TMEM232: variants seen among roughly 807,000 people sequenced by gnomAD.
TMEM232 encodes the protein transmembrane protein 232.
TMEM232 carries 80 observed loss-of-function variants against 78.8 expected under a neutral mutation model. The ratio of observed to expected loss-of-function variants is 1.01; its 90% CI spans 0.85 to 1.22. The LOEUF (loss-of-function observed/expected upper bound fraction) is 1.22, where lower values mean the gene tolerates loss of function less well. Among genes scored for constraint, TMEM232 ranks in the 50% most tolerant of loss-of-function variants. The probability of loss-of-function intolerance (pLI) is 0.00; values close to 1 mark genes in which losing one functional copy is unlikely to be tolerated. For missense variants in TMEM232, 881 were observed against 742.2 expected, an observed-to-expected ratio of 1.19 and a Z score of -2.17; for synonymous variants, 297 against 254.3, an observed-to-expected ratio of 1.17 and a Z score of -1.60.
intron 2 of TMEM232, among the ~76,000 whole-genome samples, chr5:110,643,132 G>A (rs376848952): frequency 6.6e-6 from 1 of 152,066 alleles, no homozygotes; most frequent in South Asian, 2.1e-4. Flanking sequence ...AATTAGGCAT[G>A]AGAGAAAGAA....
chr5:110,474,221 C>T (rs565971273), intron 12 of TMEM232, among the ~76,000 whole-genome samples: 3 of 151,828 alleles, frequency 2.0e-5, no homozygotes, highest in Admixed American at 6.6e-5. Flanking sequence ...ATAACATGTA[C>T]TTACACTGAA....
upstream of TMEM232, chr5:110,738,151 C>A: frequency 8.6e-7 from 1 of 1,156,340 alleles, no homozygotes; most frequent in South Asian, 1.4e-5. Flanking sequence ...TCCTGGGCTT[C>A]CAACGAGTTG....
intron 12 of TMEM232, among the ~76,000 whole-genome samples, chr5:110,491,749 A>G (rs1431588310): frequency 1.3e-5 from 2 of 152,014 alleles, no homozygotes; most frequent in African/African-American, 4.8e-5. Flanking sequence ...AACAAGGTTA[A>G]AGACGAGGAA....
intron 8 of TMEM232, 77 bp from the exon 9 acceptor site, chr5:110,606,364 T>C: frequency 7.2e-7 from 1 of 1,383,272 alleles, no homozygotes; most frequent in Admixed American, 2.5e-5. Flanking sequence ...TGTGAAAAAA[T>C]GAAATAGGTC....
chr5:110,663,331 T>A (rs1790064229), intron 2 of TMEM232, among the ~76,000 whole-genome samples: 1 of 151,956 alleles, frequency 6.6e-6, no homozygotes, highest in African/African-American at 2.4e-5. Context: ...AAGGCATACC[T>A]TGGGAGAATT....
chr5:110,702,869 A>G (rs1795569288), intron 1 of TMEM232, among the ~76,000 whole-genome samples: 1 of 152,032 alleles, frequency 6.6e-6, no homozygotes, highest in Non-Finnish European at 1.5e-5. Context: ...CAAAAAACAA[A>G]TGGCTAATAT....
At chr5:110,635,698 C>A (rs1785709371) in intron 5 of TMEM232, among the ~76,000 whole-genome samples, 1 of 151,562 alleles carries the variant, frequency 6.6e-6, no homozygotes, top group Admixed American at 6.6e-5. Flanking sequence ...AGACCATATA[C>A]CACAATTAAA....
intron 10 of TMEM232, among the ~76,000 whole-genome samples, chr5:110,583,803 T>C (rs1271649317): frequency 1.3e-5 from 2 of 151,422 alleles, no homozygotes; most frequent in Non-Finnish European, 3.0e-5. Flanking sequence ...AACTAATAAC[T>C]TGATTACAAA....
At chr5:110,523,874 T>C (rs1404156444) in intron 12 of TMEM232, among the ~76,000 whole-genome samples, 3 of 148,518 alleles carry the variant, frequency 2.0e-5, no homozygotes, top group African/African-American at 7.5e-5. Context: ...GGTGGGAATA[T>C]TGCTTGAGCC....
chr5:110,731,453 C>G (rs961344249), upstream of TMEM232, among the ~76,000 whole-genome samples: 5 of 152,228 alleles, frequency 3.3e-5, no homozygotes, highest in African/African-American at 1.2e-4. Context: ...GAGGGCCCCA[C>G]CCCTGCAGCA....
intron 1 of TMEM232, among the ~76,000 whole-genome samples, chr5:110,690,452 A>C (rs987509957): frequency 6.6e-6 from 1 of 152,342 alleles, no homozygotes; most frequent in Non-Finnish European, 1.5e-5. Flanking sequence ...TAGAATGGCG[A>C]TCATTAAAAA....
intron 1 of TMEM232, among the ~76,000 whole-genome samples, chr5:110,726,123 C>CAG (rs908365606): frequency 6.7e-6 from 1 of 149,804 alleles, no homozygotes; most frequent in Non-Finnish European, 1.5e-5. Flanking sequence ...CACACACACA[C>CAG]ACACACACAC....
intron 3 of TMEM232, 40 bp downstream of exon 3, chr5:110,642,220 G>T: frequency 7.9e-7 from 1 of 1,269,516 alleles, no homozygotes; most frequent in South Asian, 1.5e-5. Flanking sequence ...CAACTAGAAA[G>T]GAAGTTAACA....
chr5:110,598,266 A>G (rs1388703153), intron 10 of TMEM232, among the ~76,000 whole-genome samples: 1 of 152,202 alleles, frequency 6.6e-6, no homozygotes, highest in Non-Finnish European at 1.5e-5. Flanking sequence ...AAAAATGCTC[A>G]TCATCACTGG....
At chr5:110,535,745 T>A (rs2149557206) in intron 11 of TMEM232, among the ~76,000 whole-genome samples, 1 of 152,160 alleles carries the variant, frequency 6.6e-6, no homozygotes, top group East Asian at 1.9e-4. Flanking sequence ...ACCAAAAAAA[T>A]GATGTCTTCT....
chr5:110,644,809 A>G (rs1400255912), intron 2 of TMEM232, among the ~76,000 whole-genome samples: 2 of 151,722 alleles, frequency 1.3e-5, no homozygotes, highest in African/African-American at 4.8e-5. Context: ...CAAAACTAAG[A>G]GCTGTTTTCT....
intron 10 of TMEM232, among the ~76,000 whole-genome samples, chr5:110,602,726 A>T (rs560086265): frequency 5.0e-4 from 76 of 152,330 alleles, no homozygotes; most frequent in South Asian, 2.3e-3. Context: ...ATTGTGGAAG[A>T]CAGTGTGGAG....
chr5:110,458,010 ATATT>A (rs1432891821), intron 12 of TMEM232, among the ~76,000 whole-genome samples: 1 of 152,132 alleles, frequency 6.6e-6, no homozygotes, highest in African/African-American at 2.4e-5. Flanking sequence ...CATCAATTAT[ATATT>A]TAAGATCCTA....
chr5:110,714,474 A>C (rs1033547138), intron 1 of TMEM232, among the ~76,000 whole-genome samples: 4 of 152,264 alleles, frequency 2.6e-5, no homozygotes, highest in Admixed American at 2.0e-4. Flanking sequence ...ACATATTCTC[A>C]GTTTGGGGTA....
Sources: gnomAD v4.1 joint callset for allele counts (sites outside exome capture counted in the v4.1 genomes callset) on GRCh38, gnomAD v4.1.1 for gene constraint, MANE v1.5 for transcripts, NCBI Gene and HGNC (gene_info 2026-07-23, HGNC 2026-07-21) for gene names.